PKHD1L1: variants seen among roughly 807,000 people sequenced by gnomAD.
PKHD1L1 encodes PKHD1 like 1, also known as fibrocystin-L.
A neutral mutation model predicts 462.9 loss-of-function variants in PKHD1L1; 434 were observed. That is an observed-to-expected ratio of 0.94 (90% CI 0.87 to 1.02). PKHD1L1 has a LOEUF of 1.02. Ranked by LOEUF, PKHD1L1 falls within the 50% of genes least tolerant of loss-of-function variation. PKHD1L1 has a pLI of 0.00. For synonymous variants in PKHD1L1, 1,781 were observed against 1,750.0 expected (o/e 1.02, Z -0.44); for missense variants, 5,202 against 5,096.1 (o/e 1.02, Z -0.63).
chr8:109,385,594 C>T lies in PKHD1L1; in HGVS notation c.533C>T (p.Ala178Val), dbSNP rs371412256. ...ACTGATGTCTATGGAAGTAATATTG[C>T]ACTAAGCTCAAATGGGAAAAATGTT... Reference protein sequence around the residue: ...IFTDVYGSNIALSSNGKNVRI... With the variant: ...IFTDVYGSNIVLSSNGKNVRI... The change falls in exon 6 of 78, where the codon GCA becomes GTA. Residue 178 changes from alanine to valine, a missense_variant. Ala to Val is a moderately conservative substitution (Grantham distance 64, BLOSUM62 0). Around this residue, in one of 3 missense-constraint regions of PKHD1L1, gnomAD observed 4,497 missense variants for 4,336.8 expected, o/e 1.04. Transcript: ENST00000378402. 145 of 1,604,278 alleles carry T rather than the reference C, an allele frequency of 9.0e-5. No individual in the cohort carries two copies. The highest frequency in any genetic ancestry group is 5.0e-5 in the Admixed American group (3 of 59,520).
At chr8:109,519,405 C>T (rs1323913624) in intron 73 of PKHD1L1, among the ~76,000 whole-genome samples, 3 of 152,046 alleles carry the variant, frequency 2.0e-5, no homozygotes, top group Non-Finnish European at 4.4e-5. Flanking sequence ...TTCTGGCCTC[C>T]GTCCTCATGT....
chr8:109,406,399 A>G lies in PKHD1L1; in HGVS notation c.1734A>G (p.Ile578Met), dbSNP rs372967286. The G allele has an allele frequency of 3.2e-6, 5 of 1,579,038 alleles. No individual in the cohort carries two copies. The African/African-American group carries it at 6.7e-5, about 21-fold the overall frequency. The change falls in exon 17 of 78, where the codon ATA becomes ATG. Residue 578 changes from isoleucine to methionine, a missense_variant. This residue lies in a region of PKHD1L1 where 4,497 missense variants were observed against 4,336.8 expected (regional missense o/e 1.04). Transcript: ENST00000378402. Reference protein sequence around the residue: ...LQSALNDLWSIKPDTVQVIRT... With the variant: ...LQSALNDLWSMKPDTVQVIRT... ...CAGCCTTGAATGACCTCTGGTCTAT[A>G]AAACCGGACACAGTTCAAGTAATAA... is the stretch of plus-strand genomic sequence containing the variant.
At chr8:109,510,983 A>T in intron 71 of PKHD1L1, 49 bp downstream of exon 71, 17 of 1,576,892 alleles carry the variant, frequency 1.1e-5, no homozygotes, top group Non-Finnish European at 1.4e-5. Context: ...TTTGCATGTT[A>T]TTTCTATCTG....
chr8:109,451,876 C>T, intron 41 of PKHD1L1, among the ~76,000 whole-genome samples: 1 of 152,208 alleles, frequency 6.6e-6, no homozygotes, highest in East Asian at 1.9e-4. Context: ...ATCACTGTTT[C>T]TTTCCCCAAC....
intron 35 of PKHD1L1, 106 bp from the exon 36 acceptor site, chr8:109,442,840 G>T (rs1381424605): frequency 2.9e-6 from 3 of 1,039,556 alleles, no homozygotes; most frequent in Non-Finnish European, 4.2e-6. Context: ...ATAAGAAACT[G>T]TCATCTGTAT....
chr8:109,478,838 A>C (rs1224561101), intron 53 of PKHD1L1, among the ~76,000 whole-genome samples: 1 of 152,142 alleles, frequency 6.6e-6, no homozygotes, highest in African/African-American at 2.4e-5. Context: ...ATGAATTTTC[A>C]TCACTGGAAA....
chr8:109,387,898 G>A (rs922615354), intron 6 of PKHD1L1, among the ~76,000 whole-genome samples: 5 of 152,142 alleles, frequency 3.3e-5, no homozygotes. Flanking sequence ...GCCTCCAATA[G>A]CATCAGGTAC....
intron 67 of PKHD1L1, among the ~76,000 whole-genome samples, chr8:109,500,537 AAACC>A (rs1236475699): frequency 3.0e-5 from 4 of 132,170 alleles, no homozygotes; most frequent in African/African-American, 1.3e-4. Flanking sequence ...AAAAAAAAAA[AAACC>A]TAGCTGGGCA....
At chr8:109,498,048 T>A (rs1216682416) in intron 65 of PKHD1L1, among the ~76,000 whole-genome samples, 1 of 152,046 alleles carries the variant, frequency 6.6e-6, no homozygotes, top group Non-Finnish European at 1.5e-5. Context: ...GCATTTTATT[T>A]ACTACAGTAG....
chr8:109,370,501 A>AT (rs1384346694), intron 2 of PKHD1L1, among the ~76,000 whole-genome samples: 1 of 151,098 alleles, frequency 6.6e-6, no homozygotes, highest in African/African-American at 2.4e-5. Context: ...TTTATTTTTT[A>AT]TTTTTTTAAT....
intron 77 of PKHD1L1, among the ~76,000 whole-genome samples, chr8:109,527,520 C>T (rs1002660459): frequency 2.6e-5 from 4 of 151,852 alleles, no homozygotes; most frequent in South Asian, 2.1e-4. Flanking sequence ...TAAATAAATA[C>T]GTATGTAAAT....
Position 109,382,506 on chromosome 8 carries a change from G to T in PKHD1L1, c.352G>T (p.Gly118Trp). 6.2e-7 allele frequency: 1 copy of T among 1,612,316 alleles called. No individual in the cohort carries two copies. Among genetic ancestry groups the T allele is most frequent in the East Asian group, 2.2e-5 (1 of 44,736 alleles). ...DSYTVRVSVD[G>W]VPVTENNTCK... ...CTACACTGTTAGAGTCAGTGTGGAC[G>T]GGGTTCCTGTTACGGAAAATAACAC... The change falls in exon 4 of 78, where the codon GGG becomes TGG. Residue 118 changes from glycine (G) to tryptophan (W), a missense_variant. By Grantham distance (184) the Gly-to-Trp change is radical (BLOSUM62 -2). Around this residue, in one of 3 missense-constraint regions of PKHD1L1, gnomAD observed 4,497 missense variants for 4,336.8 expected, o/e 1.04. Transcript: ENST00000378402.
rs79483212 is a variant in PKHD1L1, at chr8:109,452,325, G to A, written c.6507+45G>A. The A allele has an allele frequency of 5.8e-3, 8,311 of 1,436,598 alleles. 399 individuals carry two copies. In the African/African-American group the frequency reaches 0.11, roughly 19 times the overall value. The allele number at this position is 1,436,598 out of a possible 1,614,324, so 89.0% of individuals were successfully genotyped here. A position where few individuals can be genotyped will look rare whatever the true frequency, so the allele number is the denominator to read the frequency against. ...TAGTAATCACAGCAATAGAAAACCAGCATTATGGGAGGTGGGCTAATTGGT... is the reference window on the plus strand; with the variant it reads ...TAGTAATCACAGCAATAGAAAACCAACATTATGGGAGGTGGGCTAATTGGT... On this transcript the variant is annotated intron_variant, in intron 42 of 77. Coordinates refer to ENST00000378402, the MANE Select transcript of PKHD1L1 (RefSeq NM_177531.6).
At chr8:109,463,487 A>C (rs2130826911) in intron 48 of PKHD1L1, among the ~76,000 whole-genome samples, 1 of 152,288 alleles carries the variant, frequency 6.6e-6, no homozygotes, top group South Asian at 2.1e-4. Flanking sequence ...TTTTAGCTTT[A>C]GATGGACAAC....
At position 109,451,126 on chromosome 8, in the gene PKHD1L1, G is replaced by C; in HGVS notation, c.6327G>C (p.Leu2109=). ...GCAGTACAGCAGGGGGCACCAGACT[G>C]ACAGTCGTGGGATCAGGATTCAGGT... ...KRGSTAGGTR[L]TVVGSGFSEN... Residue 2109 remains leucine (L), a synonymous_variant, in exon 41 of 78, where the codon CTG becomes CTC. Coordinates refer to ENST00000378402, the MANE Select transcript of PKHD1L1 (RefSeq NM_177531.6). 3 of 1,610,458 alleles carry C rather than the reference G, an allele frequency of 1.9e-6. No homozygotes were observed. The highest frequency in any genetic ancestry group is 2.5e-6 in the Non-Finnish European group (3 of 1,177,784).
intron 38 of PKHD1L1, among the ~76,000 whole-genome samples, 177 bp from the exon 39 acceptor site, chr8:109,447,966 C>A (rs1452580547): frequency 1.3e-5 from 2 of 151,978 alleles, no homozygotes; most frequent in Non-Finnish European, 2.9e-5. Flanking sequence ...ATACAGTAGA[C>A]TGTAGGGTAT....
At chr8:109,470,090 C>T (rs1162649518) in intron 50 of PKHD1L1, 5 of 444,482 alleles carry the variant, frequency 1.1e-5, no homozygotes, top group Admixed American at 4.0e-5. Flanking sequence ...GTGCAACCTT[C>T]CTAAGTAAAT....
intron 41 of PKHD1L1, among the ~76,000 whole-genome samples, chr8:109,451,784 T>G (rs1431102244): frequency 6.6e-6 from 1 of 152,200 alleles, no homozygotes; most frequent in Non-Finnish European, 1.5e-5. Context: ...ATGATGAAAA[T>G]GTCACATGGA....
chr8:109,507,630 C>T (rs757699515), intron 68 of PKHD1L1, 33 bp from the exon 69 acceptor site: 1 of 1,552,862 alleles, frequency 6.4e-7, no homozygotes, highest in Admixed American at 1.7e-5. Context: ...TCTCTAGAAA[C>T]AATGAACTGA....
Sources: allele counts gnomAD v4.1 joint callset (sites outside exome capture counted in the v4.1 genomes callset), GRCh38; gene constraint gnomAD v4.1.1; regional missense constraint gnomAD v4.1.1; transcripts MANE v1.5; gene names NCBI Gene and HGNC (gene_info 2026-07-23, HGNC 2026-07-21).